SCRG1: variants seen among roughly 807,000 people sequenced by gnomAD.
SCRG1 encodes scrapie-responsive protein 1.
In SCRG1, 3 loss-of-function variants were observed where a neutral mutation model predicts 7.7. The observed-to-expected ratio is 0.39, with a 90% CI of 0.18 to 1.01. The LOEUF is 1.01. Ranked by LOEUF, SCRG1 falls within the 50% of genes least tolerant of loss-of-function variation. The pLI, the probability that SCRG1 is intolerant of heterozygous loss-of-function variation, is 0.36. For missense variants in SCRG1, 110 were observed against 117.2 expected, an observed-to-expected ratio of 0.94 and a Z score of 0.28; for synonymous variants, 46 against 41.2, an observed-to-expected ratio of 1.12 and a Z score of -0.44.
chr4:173,461,873 A>AT, the SCRG1 span, among the ~76,000 whole-genome samples: 4 of 91,136 alleles, frequency 4.4e-5, no homozygotes, highest in Middle Eastern at 5.1e-3. Context: ...CATTGAAATA[A>AT]TTAAAAAAAA....
chr4:173,492,421 G>A, the SCRG1 span, among the ~76,000 whole-genome samples: 1 of 151,866 alleles, frequency 6.6e-6, no homozygotes, highest in Admixed American at 6.6e-5. Context: ...ACCCACAGCT[G>A]AGGACAGCCA....
At chr4:173,445,124 T>C in the SCRG1 span, among the ~76,000 whole-genome samples, 1 of 151,974 alleles carries the variant, frequency 6.6e-6, no homozygotes, top group Non-Finnish European at 1.5e-5. Context: ...CCATGTCAAA[T>C]CAGCTACATT....
chr4:173,461,339 C>A, the SCRG1 span, among the ~76,000 whole-genome samples: 1 of 152,170 alleles, frequency 6.6e-6, no homozygotes, highest in Non-Finnish European at 1.5e-5. Context: ...TGTTACTCCA[C>A]CCCCCAGCTT....
Position 173,391,304 on chromosome 4 carries a change from G to A in SCRG1, c.111C>T (p.Asn37=). The A allele has an allele frequency of 6.2e-7, 1 of 1,614,164 alleles. No homozygotes were observed. Among genetic ancestry groups the A allele is most frequent in the Non-Finnish European group, 8.5e-7 (1 of 1,180,018 alleles). Residue 37 remains asparagine, a synonymous_variant, in exon 2 of 3, where the codon AAC becomes AAT. Transcript: ENST00000296506. ...SCYRKILKDH[N]CHNLPEGVAD... Reference sequence around the variant, plus strand: ...CTACTCCTTCCGGAAGGTTGTGACAGTTGTGATCTTTTAGTATCTTTCTGT... The same window carrying A: ...CTACTCCTTCCGGAAGGTTGTGACAATTGTGATCTTTTAGTATCTTTCTGT...
At chr4:173,478,252 A>G in the SCRG1 span, among the ~76,000 whole-genome samples, 20 of 152,208 alleles carry the variant, frequency 1.3e-4, no homozygotes, top group Middle Eastern at 3.2e-3. Context: ...GGTGACTCAC[A>G]TAGAATCTCA....
the SCRG1 span, among the ~76,000 whole-genome samples, chr4:173,504,330 G>C: frequency 6.6e-6 from 1 of 152,180 alleles, no homozygotes; most frequent in East Asian, 1.9e-4. The surrounding 1 kb of genome is among the most constrained non-coding windows in gnomAD (Gnocchi z 4.7). Flanking sequence ...GTAGCCGTAT[G>C]GGGGAGGACC....
chr4:173,390,004 A>C (rs141551741), intron 2 of SCRG1: 1 of 241,494 alleles, frequency 4.1e-6, no homozygotes, highest in Non-Finnish European at 8.9e-6. Context: ...AAGAACTAAA[A>C]ATATTTATGA....
the SCRG1 span, among the ~76,000 whole-genome samples, chr4:173,486,959 T>A: frequency 1.3e-5 from 2 of 152,102 alleles, no homozygotes; most frequent in African/African-American, 4.8e-5. Context: ...CCTCACTTCC[T>A]CTCCGTCTCC....
At chr4:173,419,884 T>C in the SCRG1 span, 7 of 1,002,746 alleles carry the variant, frequency 7.0e-6, no homozygotes, top group Non-Finnish European at 1.1e-5. Context: ...TACAATACGC[T>C]GCAGCATAAT....
At chr4:173,413,480 T>G in the SCRG1 span, among the ~76,000 whole-genome samples, 1 of 152,164 alleles carries the variant, frequency 6.6e-6, no homozygotes, top group African/African-American at 2.4e-5. Context: ...CATGCATGCA[T>G]TAAAGTGCCC....
the SCRG1 span, among the ~76,000 whole-genome samples, chr4:173,514,524 T>C: frequency 6.6e-6 from 1 of 152,176 alleles, no homozygotes; most frequent in Admixed American, 6.5e-5. Flanking sequence ...TTCTTGTTAC[T>C]CATGAACTTT....
the SCRG1 span, among the ~76,000 whole-genome samples, chr4:173,462,088 C>G: frequency 0.41 from 61,732 of 151,912 alleles, 14,936 homozygotes; most frequent in East Asian, 0.57. Flanking sequence ...AAGGGCAAAT[C>G]TGTAATTGGC....
At chr4:173,471,086 C>T in the SCRG1 span, among the ~76,000 whole-genome samples, 43 of 152,256 alleles carry the variant, frequency 2.8e-4, no homozygotes, top group Non-Finnish European at 5.3e-4. Context: ...GAAGTCATTA[C>T]TCCTGGATAC....
the SCRG1 span, chr4:173,467,929 A>G: frequency 6.6e-6 from 1 of 152,538 alleles, no homozygotes; most frequent in Non-Finnish European, 1.5e-5. Flanking sequence ...GCTTTACAAA[A>G]ACAGAATTAT....
the SCRG1 span, among the ~76,000 whole-genome samples, chr4:173,435,456 C>G: frequency 6.6e-6 from 1 of 152,168 alleles, no homozygotes; most frequent in Non-Finnish European, 1.5e-5. Flanking sequence ...GTGCCCTGCT[C>G]TCAGGATGCT....
intron 1 of SCRG1, among the ~76,000 whole-genome samples, chr4:173,394,744 A>G (rs1349148330): frequency 2.0e-5 from 3 of 152,214 alleles, no homozygotes; most frequent in African/African-American, 7.2e-5. Context: ...TCACCACACT[A>G]TGTTATTTGA....
At chr4:173,495,381 G>A in the SCRG1 span, among the ~76,000 whole-genome samples, 4 of 152,082 alleles carry the variant, frequency 2.6e-5, no homozygotes, top group East Asian at 1.9e-4. Flanking sequence ...TACCTATTTC[G>A]GCATGACTTT....
At chr4:173,504,940 T>C in the SCRG1 span, among the ~76,000 whole-genome samples, 2 of 152,258 alleles carry the variant, frequency 1.3e-5, no homozygotes, top group African/African-American at 4.8e-5. The surrounding 1 kb of genome is among the most constrained non-coding windows in gnomAD (Gnocchi z 4.7). Flanking sequence ...TGCCACTTTC[T>C]GAATTTTGTT....
At chr4:173,466,566 A>G in the SCRG1 span, among the ~76,000 whole-genome samples, 1 of 152,182 alleles carries the variant, frequency 6.6e-6, no homozygotes, top group Non-Finnish European at 1.5e-5. Flanking sequence ...TGGGTTTGGT[A>G]CAAGATAACC....
Sources: gnomAD v4.1 joint callset for allele counts (sites outside exome capture counted in the v4.1 genomes callset) on GRCh38, gnomAD v4.1.1 for gene constraint, Gnocchi (gnomAD v3.1) non-coding constraint, MANE v1.5 for transcripts, NCBI Gene and HGNC (gene_info 2026-07-23, HGNC 2026-07-21) for gene names.